TMC4: variants seen among roughly 807,000 people sequenced by gnomAD.
The protein encoded by TMC4 is transmembrane channel like 4.
A neutral mutation model predicts 82.0 loss-of-function variants in TMC4; 70 were observed. That is an observed-to-expected ratio of 0.85 (90% CI 0.70 to 1.04). The LOEUF is 1.04. Among genes scored for constraint, TMC4 ranks in the 50% least tolerant of loss-of-function variants. TMC4 has a pLI of 0.00. For synonymous variants in TMC4, 446 were observed against 406.0 expected, an observed-to-expected ratio of 1.10 and a Z score of -1.18; for missense variants, 879 against 899.0, an observed-to-expected ratio of 0.98 and a Z score of 0.28.
At chr19:54,161,412 G>A in intron 11 of TMC4, 152 bp from the exon 12 acceptor site, 1 of 892,052 alleles carries the variant, frequency 1.1e-6, no homozygotes, top group Non-Finnish European at 1.6e-6. Context: ...AGGCTGGAGT[G>A]CAGTGGCTCT....
chr19:54,162,575 G>C (rs2146870714), intron 10 of TMC4, 98 bp downstream of exon 10: 1 of 984,244 alleles, frequency 1.0e-6, no homozygotes, highest in East Asian at 2.5e-5. Flanking sequence ...GCAGGCAGAG[G>C]CGGGAATGGT....
intron 2 of TMC4, among the ~76,000 whole-genome samples, chr19:54,171,535 G>A (rs1600596991): frequency 6.6e-6 from 1 of 152,158 alleles, no homozygotes; most frequent in Non-Finnish European, 1.5e-5. Flanking sequence ...CAAAGATGAA[G>A]GAAGGTATAA....
At chr19:54,162,803 C>T (rs1380739346) in intron 9 of TMC4, 33 bp from the exon 10 acceptor site, 1 of 1,597,736 alleles carries the variant, frequency 6.3e-7, no homozygotes, top group Admixed American at 1.7e-5. Context: ...AGAAAGAACT[C>T]GGGACCCGGG....
At chr19:54,163,669 C>T (rs779356026) in intron 8 of TMC4, 55 bp downstream of exon 8, 1 of 1,594,314 alleles carries the variant, frequency 6.3e-7, no homozygotes, top group South Asian at 1.1e-5. Flanking sequence ...GCGCCAACAT[C>T]CCTCTGACCG....
intron 3 of TMC4, 28 bp downstream of exon 3, chr19:54,169,484 C>T: frequency 6.2e-7 from 1 of 1,602,808 alleles, no homozygotes; most frequent in Non-Finnish European, 8.5e-7. Flanking sequence ...GGCCCTGCCC[C>T]CAGGACACCA....
At chr19:54,163,623 T>A (rs2146877088) in intron 8 of TMC4, 101 bp downstream of exon 8, 1 of 1,386,944 alleles carries the variant, frequency 7.2e-7, no homozygotes, top group East Asian at 2.3e-5. Flanking sequence ...AATCCCTGGA[T>A]TCGGTATCAG....
rs765359478 is a variant in TMC4, at chr19:54,161,234, C to T, written c.1713G>A (p.Pro571=). ...KKLTLFSTCS[P]AARTFRASAA... Reference sequence around the variant, plus strand: ...CGGAGGCCCGGAAGGTGCGGGCAGCCGGGGAGCAGGTGGAGAAGAGGGTAA... The same window carrying T: ...CGGAGGCCCGGAAGGTGCGGGCAGCTGGGGAGCAGGTGGAGAAGAGGGTAA... The change falls in exon 12 of 15, where the codon CCG becomes CCA. Residue 571 remains proline, a synonymous_variant. Transcript: ENST00000619895. 16 of 1,561,802 alleles carry T rather than the reference C, an allele frequency of 1.0e-5. No homozygotes were observed. The highest frequency in any genetic ancestry group is 2.0e-5 in the Admixed American group (1 of 50,696).
intron 5 of TMC4, among the ~76,000 whole-genome samples, chr19:54,167,323 C>T (rs1031573931): frequency 1.3e-5 from 2 of 151,660 alleles, no homozygotes; most frequent in Non-Finnish European, 2.9e-5. Context: ...TTTGGGAGGC[C>T]GAGGCAGGTG....
chr19:54,166,948 G>A (rs374054313), intron 5 of TMC4, among the ~76,000 whole-genome samples: 8 of 141,420 alleles, frequency 5.7e-5, no homozygotes, highest in South Asian at 2.2e-4. Flanking sequence ...GCGAGACTCC[G>A]TCTCAAAAAA....
chr19:54,163,638 A>T (rs767545529), intron 8 of TMC4, 86 bp downstream of exon 8: 10 of 1,498,774 alleles, frequency 6.7e-6, no homozygotes, highest in Non-Finnish European at 9.3e-6. Context: ...TATCAGCAGG[A>T]TTTCCGTGTC....
intron 5 of TMC4, among the ~76,000 whole-genome samples, chr19:54,166,324 A>C (rs2075703359): frequency 2.0e-4 from 5 of 24,642 alleles, no homozygotes; most frequent in Admixed American, 9.4e-4. Flanking sequence ...GGTCGCCTCC[A>C]AAAAAAAAAA....
chr19:54,171,116 C>CATATATGCGTATATATATACGCGTAT (rs145417827), intron 2 of TMC4, among the ~76,000 whole-genome samples: 4 of 147,366 alleles, frequency 2.7e-5, no homozygotes, highest in Admixed American at 6.8e-5. Flanking sequence ...TATATATACG[C>CATATATGCGTATATATATACGCGTAT]ATATATATTT....
chr19:54,171,062 CATATATATACATATATATGTGT>C lies in TMC4; in HGVS notation c.293+786_293+807del, dbSNP rs1319420479. Among the ~76,000 whole-genome samples, 13 of 149,760 alleles carry C rather than the reference CATATATATACATATATATGTGT, an allele frequency of 8.7e-5. No homozygotes were observed. The East Asian group carries it at 2.0e-3, about 23-fold the overall frequency. Reference sequence around the variant, plus strand: ...TTATTGTTTTTTCCATATATATACACATATATATACATATATATGTGTATATATATACACACATATGCATATA... The same window carrying C: ...TTATTGTTTTTTCCATATATATACACATATATATACACACATATGCATATA... On this transcript the variant is annotated intron_variant, in intron 2 of 14. Coordinates refer to ENST00000619895, the MANE Select transcript of TMC4 (RefSeq NM_144686.4).
rs762779938 is a variant in TMC4 at position 54,168,297 on chromosome 19, G to T, written c.676-5C>A. 10 of 1,551,182 alleles carry T rather than the reference G, an allele frequency of 6.4e-6. No homozygotes were observed. Among genetic ancestry groups the T allele is most frequent in the African/African-American group, 2.7e-5 (2 of 73,152 alleles). On this transcript the variant is annotated splice_polypyrimidine_tract_variant and splice_region_variant and intron_variant, in intron 4 of 14. Coordinates refer to ENST00000619895, the MANE Select transcript of TMC4 (RefSeq NM_144686.4). ...AGGGGACCATTCCAGGTAACCCTGT[G>T]GGGGGAAGGCGGCGCAGGGGCCACT...
At chr19:54,169,440 C>T in intron 3 of TMC4, 72 bp downstream of exon 3, 1 of 1,527,094 alleles carries the variant, frequency 6.5e-7, no homozygotes, top group Admixed American at 2.0e-5. Flanking sequence ...AGGAGTCCGT[C>T]CCCAGCCCCT....
At position 54,168,637 on chromosome 19, in the gene TMC4, G is replaced by A. The variant is rs770250723; in HGVS notation, c.486C>T (p.Arg162=). The part of the protein sequence containing the change: ...AGTESYFSLL[R]FLLLLNVLAS... ...CCAGCACGTTAAGAAGGAGCAGGAA[G>A]CGCAGCAGGGAGAAGTAGGACTCCG... Residue 162 remains arginine (R), a synonymous_variant, in exon 4 of 15, where the codon CGC becomes CGT. Coordinates refer to ENST00000619895, the MANE Select transcript of TMC4 (RefSeq NM_144686.4). 3.1e-5 allele frequency: 50 copies of A among 1,588,120 alleles called. No homozygotes were observed. The highest frequency in any genetic ancestry group is 1.7e-4 in the Middle Eastern group (1 of 5,866).
chr19:54,170,708 A>G (rs1249527676), intron 2 of TMC4, among the ~76,000 whole-genome samples: 1 of 151,916 alleles, frequency 6.6e-6, no homozygotes, highest in African/African-American at 2.4e-5. Flanking sequence ...TCATAGCTCA[A>G]TGCAGCCTCA....
chr19:54,162,697 G>A lies in TMC4; in HGVS notation c.1478C>T (p.Ala493Val). The change falls in exon 10 of 15, where the codon GCG (alanine) becomes GTG (valine). Residue 493 changes from alanine to valine, a missense_variant. Transcript: ENST00000619895. ...LFDLLTVLAVALLIQFPRKLL... is the reference protein window; with the variant it reads ...LFDLLTVLAVVLLIQFPRKLL... Reference sequence around the variant, plus strand: ...CTTTCTAGGAAACTGGATGAGCAGCGCGACTGCCAAGACAGTCAGCAGATC... The same window carrying A: ...CTTTCTAGGAAACTGGATGAGCAGCACGACTGCCAAGACAGTCAGCAGATC... 1.2e-6 allele frequency: 2 copies of A among 1,613,934 alleles called. No individual in the cohort carries two copies. The highest frequency in any genetic ancestry group is 2.2e-5 in the East Asian group (1 of 44,858).
chr19:54,168,794 TTTC>T lies in TMC4; in HGVS notation c.443-117_443-115del, dbSNP rs1568743926. ...TCCTTTCTTTCTTTCTTTTCTTTTCTTTCTTTTCTTTTCTTTTCTTTTCTTTTC... is the reference window on the plus strand; with the variant it reads ...TCCTTTCTTTCTTTCTTTTCTTTTCTTTTTCTTTTCTTTTCTTTTCTTTTC... On this transcript the variant is annotated intron_variant, in intron 3 of 14. Transcript: ENST00000619895. The T allele has an allele frequency of 1.1e-4, 5 of 44,696 alleles. 2 individuals carry two copies. The highest frequency in any genetic ancestry group is 7.3e-4 in the African/African-American group (2 of 2,754). 2.8% of individuals were successfully genotyped at this position (44,696 alleles called of 1,614,324 possible). A position where few individuals can be genotyped will look rare whatever the true frequency, so the allele number is the denominator to read the frequency against.
Sources: allele counts gnomAD v4.1 joint callset (sites outside exome capture counted in the v4.1 genomes callset), GRCh38; gene constraint gnomAD v4.1.1; transcripts MANE v1.5; gene names NCBI Gene and HGNC (gene_info 2026-07-23, HGNC 2026-07-21).